The following LITAF variants were observed in gnomAD, a reference collection of about 807,000 sequenced individuals.
The protein encoded by LITAF is lipopolysaccharide-induced tumor necrosis factor-alpha factor.
Under a neutral mutation model 14.5 loss-of-function variants are expected in LITAF, and 9 were observed. The observed-to-expected ratio is 0.62, with a 90% CI of 0.37 to 1.08. The LOEUF is 1.08. Among genes scored for constraint, LITAF ranks in the 50% least tolerant of loss-of-function variants. The probability of loss-of-function intolerance (pLI) is 0.01; values close to 1 mark genes in which losing one functional copy is unlikely to be tolerated. For missense variants in LITAF, 206 were observed against 213.4 expected (o/e 0.97, Z 0.22); for synonymous variants, 98 against 88.2 (o/e 1.11, Z -0.62).
At chr16:11,601,094 G>A (rs1239310745), upstream of LITAF, among the ~76,000 whole-genome samples, 2 of 151,846 alleles carry the variant, frequency 1.3e-5, no homozygotes, top group African/African-American at 2.4e-5. Flanking sequence ...AATGGAATGG[G>A]GAGAATCCTG....
At position 11,630,114 on chromosome 16, in the gene LITAF, C is replaced by T. The variant is rs944931197; in HGVS notation, c.85+3419G>A. On this transcript the variant is annotated intron_variant, in intron 3 of 3. Coordinates refer to the LITAF transcript ENST00000574848. ...GCGGGCACACAGGACCCCGGAAGAACGGAGGTCATGGGAGTCCAGATAGGA... is the reference window on the plus strand; with the variant it reads ...GCGGGCACACAGGACCCCGGAAGAATGGAGGTCATGGGAGTCCAGATAGGA... 5.3e-5 allele frequency among the ~76,000 whole-genome samples: 8 copies of T among 152,260 alleles called. No individual in the cohort carries two copies. The East Asian group carries it at 5.8e-4, about 11-fold the overall frequency.
At chr16:11,595,065 C>G (rs1322263920) in intron 1 of LITAF, among the ~76,000 whole-genome samples, 2 of 152,110 alleles carry the variant, frequency 1.3e-5, no homozygotes, top group Middle Eastern at 3.2e-3. Context: ...AAACAGGAAC[C>G]CAGTTGCCAG....
intron 3 of LITAF, among the ~76,000 whole-genome samples, chr16:11,610,662 T>C (rs948843339): frequency 1.3e-5 from 2 of 152,074 alleles, no homozygotes; most frequent in African/African-American, 2.4e-5. Context: ...CATCGCCCAG[T>C]GGTCATAATC....
chr16:11,591,705 A>G (rs113141410), upstream of LITAF, among the ~76,000 whole-genome samples: 5,443 of 152,130 alleles, frequency 0.036, 138 homozygotes, highest in South Asian at 0.062. Flanking sequence ...CAGTGGCGTG[A>G]TCTTGGCTCA....
At chr16:11,607,385 A>C (rs1169686670) in intron 3 of LITAF, among the ~76,000 whole-genome samples, 2 of 152,216 alleles carry the variant, frequency 1.3e-5, no homozygotes, top group Non-Finnish European at 2.9e-5. Flanking sequence ...ACACCCAAGA[A>C]GGCTGGACTT....
intron 3 of LITAF, chr16:11,551,947 C>A: frequency 1.1e-5 from 5 of 452,652 alleles, no homozygotes; most frequent in Non-Finnish European, 1.6e-5. Context: ...CATTTTCTGC[C>A]CACAGAATGA....
rs933370679 is a variant in LITAF, at chr16:11,549,784, C to T, written c.378-39G>A. On this transcript the variant is annotated intron_variant, in intron 3 of 3. Coordinates refer to ENST00000622633, the MANE Select transcript of LITAF (RefSeq NM_001136472.2). This position sits in a 1 kb window ranked among gnomAD's most constrained non-coding sequence, Gnocchi z 4.6. ...GAGACACACGGAGCGCGTTACTGAT[C>T]ACAACAGGGTGAACACTGGCTGCCA... is the stretch of plus-strand genomic sequence containing the variant. 1 of 1,512,210 alleles carries T rather than the reference C, an allele frequency of 6.6e-7. No homozygotes were observed. 93.7% of individuals were successfully genotyped at this position (1,512,210 alleles called of 1,614,324 possible). A position where few individuals can be genotyped will look rare whatever the true frequency, so the allele number is the denominator to read the frequency against.
At position 11,556,706 on chromosome 16, in the gene LITAF, C is replaced by T. The variant is rs1267030887; in HGVS notation, c.25G>A (p.Ala9Thr). Residue 9 changes from alanine to threonine, a missense_variant, in exon 2 of 4, where the codon GCG (alanine) becomes ACG (threonine). By Grantham distance (58) the Ala-to-Thr change is moderately conservative (BLOSUM62 0). Coordinates refer to ENST00000622633, the MANE Select transcript of LITAF (RefSeq NM_001136472.2). MSVPGPYQ[A>T]ATGPSSAPSA... ...GGTGCTGAGGAAGGCCCAGTGGCCG[C>T]CTGGTAAGGTCCTGGAACCGACATT... 54 of 1,614,028 alleles carry T rather than the reference C, an allele frequency of 3.3e-5. No individual in the cohort carries two copies. Among genetic ancestry groups the T allele is most frequent in the Non-Finnish European group, 4.3e-5 (51 of 1,180,044 alleles).
chr16:11,621,855 G>C (rs2065053375), intron 3 of LITAF, among the ~76,000 whole-genome samples: 1 of 151,962 alleles, frequency 6.6e-6, no homozygotes, highest in East Asian at 1.9e-4. Flanking sequence ...CAGAGCTCCG[G>C]GGCAATGCAA....
upstream of LITAF, among the ~76,000 whole-genome samples, chr16:11,599,083 G>A (rs184516744): frequency 3.4e-3 from 522 of 151,450 alleles, 2 homozygotes; most frequent in Non-Finnish European, 3.6e-3. Flanking sequence ...GCCTCCCAAA[G>A]TGTTAGGATT....
At chr16:11,557,657 T>A (rs779900666) in intron 1 of LITAF, among the ~76,000 whole-genome samples, 1 of 152,142 alleles carries the variant, frequency 6.6e-6, no homozygotes, top group Non-Finnish European at 1.5e-5. Flanking sequence ...CACTTTGCTA[T>A]CTAGGCTGGT....
intron 1 of LITAF, among the ~76,000 whole-genome samples, chr16:11,559,260 A>C (rs1224263601): frequency 2.6e-5 from 4 of 152,156 alleles, no homozygotes; most frequent in Non-Finnish European, 5.9e-5. Flanking sequence ...TATGTCTAAA[A>C]GAAAAAAAGA....
intron 3 of LITAF, among the ~76,000 whole-genome samples, chr16:11,620,091 C>G (rs988533032): frequency 1.1e-4 from 16 of 149,962 alleles, no homozygotes; most frequent in African/African-American, 3.0e-4. Flanking sequence ...TTGCTGGAAC[C>G]TGGGAGGCAG....
At chr16:11,623,782 C>T (rs1217485485) in intron 3 of LITAF, among the ~76,000 whole-genome samples, 1 of 151,962 alleles carries the variant, frequency 6.6e-6, no homozygotes, top group Admixed American at 6.6e-5. Context: ...GCCTGGCCAA[C>T]ACGGTGAAAC....
chr16:11,559,781 G>C (rs1021121332), intron 1 of LITAF, among the ~76,000 whole-genome samples: 4 of 148,364 alleles, frequency 2.7e-5, no homozygotes, highest in African/African-American at 1.0e-4. Flanking sequence ...GATGGCTTGA[G>C]CCCAGGCATT....
chr16:11,611,302 C>G (rs1167350900), intron 3 of LITAF, among the ~76,000 whole-genome samples: 1 of 152,144 alleles, frequency 6.6e-6, no homozygotes, highest in African/African-American at 2.4e-5. Flanking sequence ...ACGATCACCC[C>G]CCTACACTCC....
chr16:11,594,216 C>T (rs142914580), intron 1 of LITAF, among the ~76,000 whole-genome samples: 412 of 151,792 alleles, frequency 2.7e-3, no homozygotes, highest in Non-Finnish European at 4.3e-3. Context: ...GAACTAGATA[C>T]TGGTGGTGAC....
At chr16:11,622,786 G>A (rs2065058970) in intron 3 of LITAF, among the ~76,000 whole-genome samples, 1 of 152,066 alleles carries the variant, frequency 6.6e-6, no homozygotes, top group East Asian at 1.9e-4. Flanking sequence ...CTAAACTGTG[G>A]AATATGCTTA....
intron 1 of LITAF, among the ~76,000 whole-genome samples, chr16:11,596,783 C>G (rs2064891568): frequency 1.7e-5 from 1 of 59,660 alleles, no homozygotes; most frequent in Non-Finnish European, 3.0e-5. Context: ...GGGAGGGGGA[C>G]AGGGGAGAGG....
Sources: allele counts gnomAD v4.1 joint callset (sites outside exome capture counted in the v4.1 genomes callset), GRCh38; gene constraint gnomAD v4.1.1; non-coding constraint Gnocchi (gnomAD v3.1); transcripts MANE v1.5; gene names NCBI Gene and HGNC (gene_info 2026-07-23, HGNC 2026-07-21).